The following RINT1 variants were observed in gnomAD, a reference collection of about 807,000 sequenced individuals.
RINT1 encodes the protein RAD50-interacting protein 1.
RINT1 carries 75 observed loss-of-function variants against 97.7 expected under a neutral mutation model. The ratio of observed to expected loss-of-function variants is 0.77; its 90% CI spans 0.64 to 0.93. RINT1 has a LOEUF of 0.93. Among genes scored for constraint, RINT1 ranks in the 40% least tolerant of loss-of-function variants. The probability of loss-of-function intolerance (pLI) is 0.00; values close to 1 mark genes in which losing one functional copy is unlikely to be tolerated. For missense variants in RINT1, 892 were observed against 925.2 expected (o/e 0.96, Z 0.47); for synonymous variants, 303 against 326.3 (o/e 0.93, Z 0.77).
intron 11 of RINT1, among the ~76,000 whole-genome samples, chr7:105,563,333 C>T (rs1791523263): frequency 6.6e-6 from 1 of 152,052 alleles, no homozygotes; most frequent in African/African-American, 2.4e-5. Flanking sequence ...GGATATACAA[C>T]TGAATATATA....
At chr7:105,556,472 T>G (rs1281843516) in intron 11 of RINT1, among the ~76,000 whole-genome samples, 4 of 152,060 alleles carry the variant, frequency 2.6e-5, no homozygotes, top group Admixed American at 2.6e-4. Flanking sequence ...ATGGTAATAT[T>G]TATATAGAGA....
In RINT1 at chr7:105,567,521, T is replaced by C; in HGVS notation, c.*210T>C. On this transcript the variant is annotated 3_prime_UTR_variant, in exon 15 of 15. Transcript: ENST00000257700. ...GAAACAAAAACAGAAAACGAAACAA[T>C]GAAAACTCAATTCTATTTACAAGTA... is the stretch of plus-strand genomic sequence containing the variant. The C allele has an allele frequency of 2.9e-6, 2 of 688,538 alleles. No homozygotes were observed. Among genetic ancestry groups the C allele is most frequent in the Non-Finnish European group, 5.2e-6 (2 of 382,544 alleles). 42.7% of individuals were successfully genotyped at this position (688,538 alleles called of 1,614,324 possible).
In RINT1 at chr7:105,555,049, C is replaced by T. The variant is rs778897084; in HGVS notation, c.1493C>T (p.Thr498Ile). The change falls in exon 11 of 15, where the codon ACA becomes ATA. Residue 498 changes from threonine (T) to isoleucine (I), a missense_variant. By Grantham distance (89) the Thr-to-Ile change is moderately conservative. Transcript: ENST00000257700. ...ACAGACAGGTATAAAAATCTTCCCA[C>T]AGCTTCCCGAAAGCTTCAGTTCCTG... The part of the protein sequence containing the change: ...VITDRYKNLP[T>I]ASRKLQFLEL... 3 of 1,613,752 alleles carry T rather than the reference C, an allele frequency of 1.9e-6. No homozygotes were observed. In the African/African-American group the frequency reaches 4.0e-5, roughly 22 times the overall value.
At chr7:105,535,560 T>C (rs1301283110) in intron 2 of RINT1, 2 of 454,690 alleles carry the variant, frequency 4.4e-6, no homozygotes, top group South Asian at 3.1e-5. Flanking sequence ...TGTTTGTTTG[T>C]TTGTTTTTAA....
Position 105,565,664 on chromosome 7 carries a change from A to T in RINT1, c.2186+16A>T. Reference sequence around the variant, plus strand: ...ATTTTAAACAGTAAGCTCAACATTTAACAATTAATATTAATGTATCAAATT... The same window carrying T: ...ATTTTAAACAGTAAGCTCAACATTTTACAATTAATATTAATGTATCAAATT... On this transcript the variant is annotated intron_variant, in intron 14 of 14. Transcript: ENST00000257700. 1 of 1,466,868 alleles carries T rather than the reference A, an allele frequency of 6.8e-7. No individual in the cohort carries two copies. Among genetic ancestry groups the T allele is most frequent in the Non-Finnish European group, 9.5e-7 (1 of 1,051,120 alleles). 90.9% of individuals were successfully genotyped at this position (1,466,868 alleles called of 1,614,324 possible). A position where few individuals can be genotyped will look rare whatever the true frequency, so the allele number is the denominator to read the frequency against.
chr7:105,539,938 G>A (rs145672657), intron 3 of RINT1, among the ~76,000 whole-genome samples: 13 of 152,254 alleles, frequency 8.5e-5, no homozygotes, highest in Admixed American at 2.0e-4. Flanking sequence ...TATTTCTAGC[G>A]CAGTGCCTGG....
In RINT1 at chr7:105,546,962, A is replaced by C. The variant is rs1271923575; in HGVS notation, c.568A>C (p.Thr190Pro). The change falls in exon 5 of 15, where the codon ACT becomes CCT. Residue 190 changes from threonine to proline, a missense_variant. Coordinates refer to ENST00000257700, the MANE Select transcript of RINT1 (RefSeq NM_021930.6). ...CAATAATGTACCGGAGGCAGCCTCCACTCTAGTGTCTATGGCAGAACTTGA... is the reference window on the plus strand; with the variant it reads ...CAATAATGTACCGGAGGCAGCCTCCCCTCTAGTGTCTATGGCAGAACTTGA... Reference protein sequence around the residue: ...MTNNVPEAASTLVSMAELDIK... With the variant: ...MTNNVPEAASPLVSMAELDIK... The C allele has an allele frequency of 1.9e-6, 3 of 1,613,618 alleles. No individual in the cohort carries two copies. Among genetic ancestry groups the C allele is most frequent in the African/African-American group, 2.7e-5 (2 of 74,858 alleles).
rs1482671116 is a variant in RINT1, at chr7:105,555,056, C to T, written c.1500C>T (p.Ser500=). 1 of 1,613,742 alleles carries T rather than the reference C, an allele frequency of 6.2e-7. No homozygotes were observed. The highest frequency in any genetic ancestry group is 1.3e-5 in the African/African-American group (1 of 74,888). Residue 500 remains serine (S), a synonymous_variant, in exon 11 of 15, where the codon TCC becomes TCT. Transcript: ENST00000257700. ...TDRYKNLPTA[S]RKLQFLELQK... Reference sequence around the variant, plus strand: ...GGTATAAAAATCTTCCCACAGCTTCCCGAAAGCTTCAGTTCCTGGAGTTAC... The same window carrying T: ...GGTATAAAAATCTTCCCACAGCTTCTCGAAAGCTTCAGTTCCTGGAGTTAC...
rs1791701501 is a variant in RINT1 at position 105,565,777 on chromosome 7, T to C, written c.2186+129T>C. 4.7e-6 allele frequency: 3 copies of C among 635,818 alleles called. No individual in the cohort carries two copies. In the South Asian group the frequency reaches 6.0e-5, roughly 13 times the overall value. 39.4% of individuals were successfully genotyped at this position (635,818 alleles called of 1,614,324 possible). A position where few individuals can be genotyped will look rare whatever the true frequency, so the allele number is the denominator to read the frequency against. On this transcript the variant is annotated intron_variant, in intron 14 of 14. Coordinates refer to ENST00000257700, the MANE Select transcript of RINT1 (RefSeq NM_021930.6). ...AGTTGAAATTTTAAAACATTGTCTA[T>C]CTACTGTATGCTTACAGCACAATGG...
chr7:105,563,779 A>C lies in RINT1; in HGVS notation c.1718A>C (p.Asn573Thr). The stretch of plus-strand genomic sequence containing the variant: ...GCTGCACTGGAGGTGTTTGCAGAGA[A>C]TAATACTCTGAGTAAATTGCAGCTA... ...QQAALEVFAE[N>T]NTLSKLQLGQ... Residue 573 changes from asparagine (N) to threonine (T), a missense_variant, in exon 12 of 15, where the codon AAT becomes ACT. Coordinates refer to ENST00000257700, the MANE Select transcript of RINT1 (RefSeq NM_021930.6). 1 of 1,614,220 alleles carries C rather than the reference A, an allele frequency of 6.2e-7. No individual in the cohort carries two copies.
rs112722170 is a variant in RINT1, at chr7:105,551,067, C to T, written c.1334-503C>T. On this transcript the variant is annotated intron_variant, in intron 9 of 14. Transcript: ENST00000257700. The stretch of plus-strand genomic sequence containing the variant: ...TTTTTGAGATAGGGTCTCACTTTGT[C>T]ACCGAGGCTAGAGTGGAGTGGGCCG... 6.1e-3 allele frequency among the ~76,000 whole-genome samples: 935 copies of T among 152,096 alleles called. 10 individuals carry two copies. The highest frequency in any genetic ancestry group is 0.022 in the African/African-American group (900 of 41,506).
intron 11 of RINT1, among the ~76,000 whole-genome samples, chr7:105,562,020 T>C (rs955928785): frequency 6.6e-6 from 1 of 152,228 alleles, no homozygotes. Context: ...TTAATTCTAA[T>C]CTTCCCTAAA....
chr7:105,538,765 C>A (rs1790345181), intron 3 of RINT1, among the ~76,000 whole-genome samples: 1 of 152,304 alleles, frequency 6.6e-6, no homozygotes, highest in Non-Finnish European at 1.5e-5. Context: ...ATAGTCTATC[C>A]CACAATCGAC....
intron 3 of RINT1, among the ~76,000 whole-genome samples, chr7:105,541,380 G>T (rs1790454211): frequency 6.7e-6 from 1 of 150,328 alleles, no homozygotes; most frequent in Non-Finnish European, 1.5e-5. Flanking sequence ...CAAATGATCC[G>T]CCTGTCTTGG....
At chr7:105,549,315 G>A (rs116031504) in intron 7 of RINT1, among the ~76,000 whole-genome samples, 134 of 151,336 alleles carry the variant, frequency 8.9e-4, no homozygotes, top group African/African-American at 3.2e-3. Context: ...TCTTAAACCT[G>A]TATAAGACAT....
intron 10 of RINT1, among the ~76,000 whole-genome samples, chr7:105,553,639 C>T (rs1329308944): frequency 1.3e-5 from 2 of 150,454 alleles, no homozygotes; most frequent in Non-Finnish European, 3.0e-5. Context: ...TCTCGAACTC[C>T]TGACCTCAGG....
chr7:105,541,394 C>T (rs1441645969), intron 3 of RINT1, among the ~76,000 whole-genome samples: 1 of 151,874 alleles, frequency 6.6e-6, no homozygotes, highest in Admixed American at 6.6e-5. Context: ...GTCTTGGCCT[C>T]CCAAACTGCT....
intron 4 of RINT1, among the ~76,000 whole-genome samples, chr7:105,544,886 T>A (rs913755060): frequency 6.6e-6 from 1 of 152,166 alleles, no homozygotes; most frequent in Non-Finnish European, 1.5e-5. Flanking sequence ...TTTATGATAA[T>A]CTCTCCATTT....
chr7:105,537,852 T>A (rs1790308978), intron 3 of RINT1, among the ~76,000 whole-genome samples: 1 of 151,870 alleles, frequency 6.6e-6, no homozygotes, highest in African/African-American at 2.4e-5. Context: ...TATATATTTC[T>A]ATGTATTTAT....
Sources: allele counts gnomAD v4.1 joint callset (sites outside exome capture counted in the v4.1 genomes callset), GRCh38; gene constraint gnomAD v4.1.1; transcripts MANE v1.5; gene names NCBI Gene and HGNC (gene_info 2026-07-23, HGNC 2026-07-21).